LTBP1: variants seen among roughly 807,000 people sequenced by gnomAD.
LTBP1 encodes the protein latent-transforming growth factor beta-binding protein 1.
LTBP1 carries 129 observed loss-of-function variants against 207.6 expected under a neutral mutation model. The ratio of observed to expected loss-of-function variants is 0.62; its 90% CI spans 0.54 to 0.72. The LOEUF is 0.72. Among genes scored for constraint, LTBP1 ranks in the 30% least tolerant of loss-of-function variants. The probability of loss-of-function intolerance (pLI) is 0.00; values close to 1 mark genes in which losing one functional copy is unlikely to be tolerated. For synonymous variants in LTBP1, 963 were observed against 833.7 expected (o/e 1.16, Z -2.67); for missense variants, 2,281 against 2,217.2 (o/e 1.03, Z -0.58).
intron 5 of LTBP1, among the ~76,000 whole-genome samples, chr2:33,185,519 T>C (rs1330923932): frequency 6.6e-6 from 1 of 151,918 alleles, no homozygotes; most frequent in Non-Finnish European, 1.5e-5. Flanking sequence ...AGAGAAAGAG[T>C]GTGTAGAGTC....
intron 24 of LTBP1, among the ~76,000 whole-genome samples, chr2:33,335,792 G>A (rs2094547960): frequency 6.6e-6 from 1 of 152,150 alleles, no homozygotes; most frequent in African/African-American, 2.4e-5. Context: ...ATTCCTTTCA[G>A]AAAGGAGTGT....
rs181683891 is a variant in LTBP1, at chr2:33,364,022, A to G, written c.4400-194A>G. Among the ~76,000 whole-genome samples the G allele has an allele frequency of 2.3e-3, 354 of 152,140 alleles. 1 individual carries two copies. The highest frequency in any genetic ancestry group is 3.7e-3 in the Non-Finnish European group (255 of 68,032). On this transcript the variant is annotated intron_variant, in intron 29 of 33. Transcript: ENST00000404816. The stretch of plus-strand genomic sequence containing the variant: ...TTTAATGTCAGCAGCAGCAGCAGCA[A>G]TGTTGTTTTTCAGTCAGAGCAGCTT...
At chr2:33,050,798 A>T (rs549813624) in intron 3 of LTBP1, among the ~76,000 whole-genome samples, 5 of 150,510 alleles carry the variant, frequency 3.3e-5, no homozygotes, top group Non-Finnish European at 7.4e-5. Context: ...TAATGGCATG[A>T]TCTCGGCTGA....
chr2:32,996,640 A>G (rs1685321926), intron 2 of LTBP1, among the ~76,000 whole-genome samples: 1 of 152,164 alleles, frequency 6.6e-6, no homozygotes, highest in African/African-American at 2.4e-5. Context: ...GGAGCTTCAC[A>G]ATAATATCTG....
chr2:33,365,490 C>G lies in LTBP1; in HGVS notation c.4698C>G (p.Pro1566=). 1.2e-6 allele frequency: 2 copies of G among 1,613,758 alleles called. No homozygotes were observed. The highest frequency in any genetic ancestry group is 8.5e-7 in the Non-Finnish European group (1 of 1,179,848). Residue 1566 remains proline, a synonymous_variant, in exon 31 of 34, where the codon CCC becomes CCG. Transcript: ENST00000404816. ...GGGGCATGCAGTGTGCCCTCTGCCC[C>G]CTGAAGGATTCAGGTGAGCCCATAT... ...EAWGMQCALC[P]LKDSDDYAQL... is the part of the protein sequence containing the mutation.
Position 32,947,415 on chromosome 2 carries a change from G to A in LTBP1, c.91G>A (p.Val31Met), listed in dbSNP as rs1306058733. ...AHGRLRRITYVVHPGPGLAAG... is the reference protein window; with the variant it reads ...AHGRLRRITYMVHPGPGLAAG... Reference sequence around the variant, plus strand: ...CGGCCGGCTGCGGAGGATCACCTACGTGGTGCACCCGGGCCCCGGCCTGGC... The same window carrying A: ...CGGCCGGCTGCGGAGGATCACCTACATGGTGCACCCGGGCCCCGGCCTGGC... Residue 31 changes from valine to methionine, a missense_variant, in exon 1 of 34, where the codon GTG becomes ATG. Transcript: ENST00000404816. 7.0e-7 allele frequency: 1 copy of A among 1,434,598 alleles called. No individual in the cohort carries two copies. 88.9% of individuals were successfully genotyped at this position (1,434,598 alleles called of 1,614,324 possible).
At chr2:32,982,769 G>T (rs1682962434) in intron 2 of LTBP1, among the ~76,000 whole-genome samples, 1 of 152,226 alleles carries the variant, frequency 6.6e-6, no homozygotes. Flanking sequence ...TGTTGAGCCT[G>T]TGGGTGCACA....
At chr2:33,135,224 TA>T (rs2150594330) in intron 5 of LTBP1, among the ~76,000 whole-genome samples, 1 of 152,332 alleles carries the variant, frequency 6.6e-6, no homozygotes, top group Non-Finnish European at 1.5e-5. Flanking sequence ...GGAATATATA[TA>T]GTAGAAGAGA....
intron 12 of LTBP1, 106 bp downstream of exon 12, chr2:33,257,617 A>T: frequency 4.3e-6 from 4 of 922,362 alleles, no homozygotes; most frequent in Non-Finnish European, 6.6e-6. Flanking sequence ...CCTAAGCACT[A>T]TTGGCATTTT....
chr2:33,134,245 G>A lies in LTBP1; in HGVS notation c.1034-548G>A, dbSNP rs187332239. Among the ~76,000 whole-genome samples the A allele has an allele frequency of 6.6e-6, 1 of 152,354 alleles. No homozygotes were observed. The highest frequency in any genetic ancestry group is 1.9e-4 in the East Asian group (1 of 5,190). ...TGCGTCACAGCATTTGATCACTTCA[G>A]CCGAGAGTGCCAGGAGATTTGAGAC... On this transcript the variant is annotated intron_variant, in intron 4 of 33. Coordinates refer to ENST00000404816, the MANE Select transcript of LTBP1 (RefSeq NM_206943.4). The surrounding 1 kb of genome is among the most constrained non-coding windows in gnomAD (Gnocchi z 4.4).
intron 20 of LTBP1, among the ~76,000 whole-genome samples, chr2:33,295,540 G>A (rs1010656581): frequency 1.3e-5 from 2 of 151,294 alleles, no homozygotes; most frequent in African/African-American, 2.4e-5. Context: ...TCTCAATGAT[G>A]ATAATAATAA....
chr2:33,392,006 T>C (rs1488626899), intron 32 of LTBP1, among the ~76,000 whole-genome samples: 1 of 152,158 alleles, frequency 6.6e-6, no homozygotes, highest in African/African-American at 2.4e-5. Context: ...TTTTGGAGCC[T>C]GCTGCAAAAA....
intron 23 of LTBP1, among the ~76,000 whole-genome samples, 185 bp downstream of exon 23, chr2:33,309,741 A>G (rs1424682290): frequency 6.6e-6 from 1 of 152,182 alleles, no homozygotes; most frequent in African/African-American, 2.4e-5. Context: ...TGTCCAGCAT[A>G]GTGTCAACTG....
At chr2:33,277,886 G>A (rs2093478844) in intron 18 of LTBP1, among the ~76,000 whole-genome samples, 1 of 139,882 alleles carries the variant, frequency 7.1e-6, no homozygotes, top group Non-Finnish European at 1.5e-5. Context: ...CTGGAGTGCA[G>A]TGGTGCGATC....
chr2:33,335,514 G>A (rs1250983756), intron 24 of LTBP1, among the ~76,000 whole-genome samples: 1 of 152,138 alleles, frequency 6.6e-6, no homozygotes, highest in Non-Finnish European at 1.5e-5. Context: ...TTTTTTAAAA[G>A]GATCTTTCCA....
chr2:33,024,216 A>C (rs1047992017), intron 3 of LTBP1, among the ~76,000 whole-genome samples: 5 of 152,240 alleles, frequency 3.3e-5, no homozygotes, highest in Non-Finnish European at 7.3e-5. Context: ...ACAGTTGATA[A>C]ATGACATAAT....
chr2:33,202,022 A>AACACACACACACACACACACACACACAC (rs10558832), intron 7 of LTBP1, among the ~76,000 whole-genome samples: 27 of 140,670 alleles, frequency 1.9e-4, no homozygotes, highest in Admixed American at 1.3e-3. Context: ...TTAGCACTGG[A>AACACACACACACACACACACACACACAC]ACACACACAC....
intron 16 of LTBP1, among the ~76,000 whole-genome samples, chr2:33,274,759 T>G (rs555243018): frequency 5.1e-4 from 77 of 152,320 alleles, no homozygotes; most frequent in African/African-American, 1.8e-3. Flanking sequence ...TTTTAGCCTT[T>G]GAAGTGATAC....
chr2:33,223,368 T>A (rs988039786), intron 9 of LTBP1, among the ~76,000 whole-genome samples: 7 of 152,216 alleles, frequency 4.6e-5, no homozygotes, highest in African/African-American at 1.7e-4. Flanking sequence ...GACTTTGTCT[T>A]AAAAATATTG....
Sources: allele counts gnomAD v4.1 joint callset (sites outside exome capture counted in the v4.1 genomes callset), GRCh38; gene constraint gnomAD v4.1.1; non-coding constraint Gnocchi (gnomAD v3.1); transcripts MANE v1.5; gene names NCBI Gene and HGNC (gene_info 2026-07-23, HGNC 2026-07-21).